Variants in CDH13 observed in about 807,000 individuals in gnomAD.
The protein encoded by CDH13 is cadherin-13.
In CDH13, 24 loss-of-function variants were observed where a neutral mutation model predicts 63.8. The observed-to-expected ratio is 0.38, with a 90% CI of 0.27 to 0.53. The LOEUF (loss-of-function observed/expected upper bound fraction) is 0.53. Among genes scored for constraint, CDH13 ranks in the 20% least tolerant of loss-of-function variants. CDH13 has a pLI of 0.85. For synonymous variants in CDH13, 503 were observed against 355.3 expected (o/e 1.42, Z -4.67); for missense variants, 1,049 against 903.1 (o/e 1.16, Z -2.07).
At chr16:83,351,204 A>G (rs1030720471) in intron 6 of CDH13, among the ~76,000 whole-genome samples, 5 of 149,096 alleles carry the variant, frequency 3.4e-5, no homozygotes, top group African/African-American at 1.2e-4. Flanking sequence ...TCAGACTTTC[A>G]TGCTGTAGGT....
chr16:83,374,716 T>C (rs941591541), intron 6 of CDH13, among the ~76,000 whole-genome samples: 1 of 152,230 alleles, frequency 6.6e-6, no homozygotes, highest in African/African-American at 2.4e-5. Flanking sequence ...CATTAGACTA[T>C]CTCTGGATGT....
At chr16:83,068,731 G>A (rs571463352) in intron 3 of CDH13, among the ~76,000 whole-genome samples, 6 of 152,270 alleles carry the variant, frequency 3.9e-5, no homozygotes. Flanking sequence ...TAAAAAGGTT[G>A]GGAATGGTTT....
intron 6 of CDH13, among the ~76,000 whole-genome samples, chr16:83,351,296 T>C (rs201596251): frequency 3.7e-5 from 5 of 134,846 alleles, no homozygotes; most frequent in East Asian, 4.7e-4. Flanking sequence ...TTTTTTTTTT[T>C]CCTTAGGTAG....
chr16:82,924,368 C>T (rs1419900942), intron 2 of CDH13, among the ~76,000 whole-genome samples: 1 of 152,092 alleles, frequency 6.6e-6, no homozygotes, highest in Non-Finnish European at 1.5e-5. Flanking sequence ...TAAAACAAAA[C>T]AAGAAGTTTA....
At chr16:83,325,465 G>C (rs1050087339) in intron 5 of CDH13, among the ~76,000 whole-genome samples, 1 of 152,162 alleles carries the variant, frequency 6.6e-6, no homozygotes, top group Non-Finnish European at 1.5e-5. Context: ...TAAAAGGCCA[G>C]ATAACAGGTA....
intron 5 of CDH13, among the ~76,000 whole-genome samples, chr16:83,320,183 G>A (rs1271807354): frequency 2.0e-5 from 3 of 151,962 alleles, no homozygotes; most frequent in African/African-American, 7.2e-5. Context: ...ACGACTACAG[G>A]TATGCCCCAC....
Position 83,196,860 on chromosome 16 carries a change from C to T in CDH13, c.484-20485C>T, listed in dbSNP as rs373097557. ...CTGGTAGAAATGTAGAGTGGTACAG[C>T]CAGTCAAGAAACGAGTTTGGCAGTT... On this transcript the variant is annotated intron_variant, in intron 4 of 13. Coordinates refer to ENST00000567109, the MANE Select transcript of CDH13 (RefSeq NM_001257.5). Among the ~76,000 whole-genome samples, 9 of 152,278 alleles carry T rather than the reference C, an allele frequency of 5.9e-5. No homozygotes were observed. In the East Asian group the frequency reaches 1.7e-3, roughly 29 times the overall value.
At chr16:82,663,179 T>TTTTG (rs796138785) in intron 1 of CDH13, among the ~76,000 whole-genome samples, 13 of 152,090 alleles carry the variant, frequency 8.5e-5, no homozygotes, top group Admixed American at 2.0e-4. Flanking sequence ...CCACTAGGTT[T>TTTTG]TTTGTTTGTT....
At chr16:83,423,615 T>C (rs892354551) in intron 6 of CDH13, among the ~76,000 whole-genome samples, 1 of 152,218 alleles carries the variant, frequency 6.6e-6, no homozygotes, top group Non-Finnish European at 1.5e-5. Context: ...AAATGAATAC[T>C]TGAAGAATGG....
intron 4 of CDH13, among the ~76,000 whole-genome samples, chr16:83,138,032 T>A (rs1303494586): frequency 6.6e-6 from 1 of 152,110 alleles, no homozygotes; most frequent in South Asian, 2.1e-4. Flanking sequence ...CTTGGCCCAC[T>A]TCTGCAACCA....
intron 5 of CDH13, among the ~76,000 whole-genome samples, chr16:83,240,087 G>T (rs2151813660): frequency 6.6e-6 from 1 of 152,232 alleles, no homozygotes; most frequent in South Asian, 2.1e-4. Flanking sequence ...AAATCGTAGG[G>T]CCCCAGAGTC....
intron 8 of CDH13, among the ~76,000 whole-genome samples, chr16:83,651,509 A>G (rs531852542): frequency 3.9e-5 from 6 of 152,098 alleles, no homozygotes; most frequent in African/African-American, 1.4e-4. Context: ...TGACCTGCCA[A>G]AAGTCACAAA....
chr16:83,427,739 C>T (rs943214850), intron 6 of CDH13, among the ~76,000 whole-genome samples: 1 of 152,170 alleles, frequency 6.6e-6, no homozygotes, highest in East Asian at 1.9e-4. Context: ...CACTTATGGT[C>T]TGCTGTCCTG....
intron 10 of CDH13, among the ~76,000 whole-genome samples, chr16:83,704,637 C>T (rs930041045): frequency 6.6e-6 from 1 of 152,200 alleles, no homozygotes; most frequent in African/African-American, 2.4e-5. Context: ...GAATTAAGTA[C>T]TCCTTCCTTG....
intron 4 of CDH13, among the ~76,000 whole-genome samples, chr16:83,183,441 T>C (rs1195350478): frequency 6.6e-6 from 1 of 152,222 alleles, no homozygotes; most frequent in Admixed American, 6.5e-5. Context: ...GGAAGATCTA[T>C]AATTAAATCT....
chr16:82,671,974 C>T (rs1276465176), intron 1 of CDH13, among the ~76,000 whole-genome samples: 1 of 152,196 alleles, frequency 6.6e-6, no homozygotes, highest in Non-Finnish European at 1.5e-5. Flanking sequence ...CCCCCTCTTG[C>T]CCTGAGACTA....
intron 3 of CDH13, among the ~76,000 whole-genome samples, chr16:83,037,755 A>G (rs1034049379): frequency 2.6e-5 from 4 of 152,168 alleles, no homozygotes; most frequent in African/African-American, 7.2e-5. Context: ...TATGTTGGAC[A>G]TGAGTGGGTT....
chr16:83,326,878 C>T (rs2090374797), intron 5 of CDH13, among the ~76,000 whole-genome samples: 1 of 152,166 alleles, frequency 6.6e-6, no homozygotes, highest in African/African-American at 2.4e-5. Context: ...ATGCATCAGT[C>T]TGCAGTGGGG....
intron 7 of CDH13, among the ~76,000 whole-genome samples, chr16:83,516,673 G>T (rs909159878): frequency 1.3e-5 from 2 of 152,172 alleles, no homozygotes; most frequent in East Asian, 1.9e-4. Flanking sequence ...AAGATAATTT[G>T]TAAGTACCTA....
Sources: gnomAD v4.1 joint callset for allele counts (sites outside exome capture counted in the v4.1 genomes callset) on GRCh38, gnomAD v4.1.1 for gene constraint, MANE v1.5 for transcripts, NCBI Gene and HGNC (gene_info 2026-07-23, HGNC 2026-07-21) for gene names.